CYP2C18: variants seen among roughly 807,000 people sequenced by gnomAD.
The protein encoded by CYP2C18 is cytochrome P450 2C18.
Under a neutral mutation model 41.3 loss-of-function variants are expected in CYP2C18, and 38 were observed. That is an observed-to-expected ratio of 0.92 (90% CI 0.71 to 1.21). The LOEUF is 1.21. Among genes scored for constraint, CYP2C18 ranks in the 50% most tolerant of loss-of-function variants. The pLI is 0.00. For synonymous variants in CYP2C18, 236 were observed against 210.0 expected (o/e 1.12, Z -1.07); for missense variants, 635 against 591.4 (o/e 1.07, Z -0.77).
chr10:94,735,622 C>A lies in CYP2C18; in HGVS notation c.*178C>A. The stretch of plus-strand genomic sequence containing the variant: ...CTCCATTAAAGAGAGTTTCTTGGGT[C>A]ACTTCCTAAATATATCTGCTATTCT... On this transcript the variant is annotated 3_prime_UTR_variant, in exon 9 of 9. Coordinates refer to ENST00000285979, the MANE Select transcript of CYP2C18 (RefSeq NM_000772.3). 1.6e-6 allele frequency: 1 copy of A among 638,014 alleles called. No individual in the cohort carries two copies. Among genetic ancestry groups the A allele is most frequent in the Non-Finnish European group, 2.7e-6 (1 of 368,070 alleles). 39.5% of individuals were successfully genotyped at this position (638,014 alleles called of 1,614,324 possible). A position where few individuals can be genotyped will look rare whatever the true frequency, so the allele number is the denominator to read the frequency against.
At chr10:94,699,896 A>G (rs1375174453) in intron 4 of CYP2C18, among the ~76,000 whole-genome samples, 1 of 152,182 alleles carries the variant, frequency 6.6e-6, no homozygotes, top group Non-Finnish European at 1.5e-5. Context: ...AAGAGAATAA[A>G]ACACCTAGGA....
chr10:94,694,814 A>G (rs966955222), intron 3 of CYP2C18, 103 bp from the exon 4 acceptor site: 5 of 1,236,060 alleles, frequency 4.0e-6, no homozygotes, highest in African/African-American at 3.1e-5. Flanking sequence ...ATTTCTAGGT[A>G]GGTATTGGTT....
At chr10:94,713,227 A>G (rs929862949) in intron 5 of CYP2C18, among the ~76,000 whole-genome samples, 27 of 151,948 alleles carry the variant, frequency 1.8e-4, no homozygotes, top group African/African-American at 6.0e-4. Flanking sequence ...ACATGTGCAC[A>G]ATGTGCAGGT....
At chr10:94,710,005 G>T (rs140056324) in intron 5 of CYP2C18, among the ~76,000 whole-genome samples, 5 of 151,882 alleles carry the variant, frequency 3.3e-5, no homozygotes, top group South Asian at 4.1e-4. Context: ...TTGAGACAGG[G>T]TCTCGCTCTG....
In CYP2C18 at chr10:94,706,979, G is replaced by T. The variant is rs752424055; in HGVS notation, c.819+19G>T. On this transcript the variant is annotated intron_variant, in intron 5 of 8. Transcript: ENST00000285979. Reference sequence around the variant, plus strand: ...GGAACAGGTAAAATGTTATTTGTTTGCCTGCATCTTGTGGTTCATTGATTA... The same window carrying T: ...GGAACAGGTAAAATGTTATTTGTTTTCCTGCATCTTGTGGTTCATTGATTA... The T allele has an allele frequency of 5.6e-6, 9 of 1,595,174 alleles. No homozygotes were observed. Among genetic ancestry groups the T allele is most frequent in the Non-Finnish European group, 7.7e-6 (9 of 1,173,086 alleles).
chr10:94,693,059 T>C (rs1284897681), intron 3 of CYP2C18, among the ~76,000 whole-genome samples: 1 of 152,098 alleles, frequency 6.6e-6, no homozygotes, highest in East Asian at 1.9e-4. Flanking sequence ...ATATATCTAA[T>C]GCTAAATGAC....
At position 94,700,905 on chromosome 10, in the gene CYP2C18, C is replaced by CA. The variant is rs547352024; in HGVS notation, c.642+5831dup. Among the ~76,000 whole-genome samples the CA allele has an allele frequency of 2.0e-5, 3 of 152,158 alleles. No individual in the cohort carries two copies. In the South Asian group the frequency reaches 6.2e-4, roughly 32 times the overall value. On this transcript the variant is annotated intron_variant, in intron 4 of 8. Coordinates refer to ENST00000285979, the MANE Select transcript of CYP2C18 (RefSeq NM_000772.3). Reference sequence around the variant, plus strand: ...CACTGGCCATCAGAGAAATGCAAATCAAACCACAATGAGATACCATCTCAC... The same window carrying CA: ...CACTGGCCATCAGAGAAATGCAAATCAAAACCACAATGAGATACCATCTCAC...
At chr10:94,710,844 G>T (rs1041110881) in intron 5 of CYP2C18, among the ~76,000 whole-genome samples, 1 of 152,176 alleles carries the variant, frequency 6.6e-6, no homozygotes, top group East Asian at 1.9e-4. Context: ...GTCACATGGA[G>T]ATTATAACAG....
chr10:94,708,988 A>G (rs2134192575), intron 5 of CYP2C18, among the ~76,000 whole-genome samples: 1 of 151,916 alleles, frequency 6.6e-6, no homozygotes, highest in South Asian at 2.1e-4. Context: ...GTTGGTTTTG[A>G]TTGTTTCTGT....
chr10:94,714,940 A>G (rs1847512937), intron 5 of CYP2C18, among the ~76,000 whole-genome samples: 1 of 152,086 alleles, frequency 6.6e-6, no homozygotes, highest in African/African-American at 2.4e-5. Flanking sequence ...CTTTGAAGCA[A>G]TTGTGAATGG....
intron 7 of CYP2C18, among the ~76,000 whole-genome samples, chr10:94,731,550 C>G (rs188932568): frequency 6.6e-6 from 1 of 152,222 alleles, no homozygotes; most frequent in Admixed American, 6.5e-5. Flanking sequence ...AGTCGTCACG[C>G]TACCAGACTT....
chr10:94,710,540 T>A (rs928288896), intron 5 of CYP2C18, among the ~76,000 whole-genome samples: 7 of 152,220 alleles, frequency 4.6e-5, no homozygotes, highest in African/African-American at 1.7e-4. Flanking sequence ...TATTTAGATC[T>A]TCTTTAATTT....
chr10:94,710,033 G>A (rs1483888613), intron 5 of CYP2C18, among the ~76,000 whole-genome samples: 2 of 151,966 alleles, frequency 1.3e-5, no homozygotes, highest in Non-Finnish European at 2.9e-5. Context: ...AGGCTATAGT[G>A]CAATGGTGTG....
intron 5 of CYP2C18, among the ~76,000 whole-genome samples, chr10:94,712,634 A>G (rs140537977): frequency 6.6e-6 from 1 of 152,346 alleles, no homozygotes; most frequent in Non-Finnish European, 1.5e-5. Context: ...TATTGGGAAT[A>G]GTGCTGCAAT....
chr10:94,706,731 C>A (rs1847349295), intron 4 of CYP2C18, 53 bp from the exon 5 acceptor site: 2 of 990,166 alleles, frequency 2.0e-6, no homozygotes, highest in African/African-American at 1.7e-5. Context: ...TGACTTATGG[C>A]ATATGTCTTC....
intron 4 of CYP2C18, among the ~76,000 whole-genome samples, chr10:94,704,431 A>G (rs952767245): frequency 6.6e-6 from 1 of 151,436 alleles, no homozygotes; most frequent in African/African-American, 2.4e-5. Context: ...GCGTATGTTC[A>G]GCTAATTTTG....
At chr10:94,726,453 A>G (rs1847744167) in intron 7 of CYP2C18, among the ~76,000 whole-genome samples, 1 of 151,840 alleles carries the variant, frequency 6.6e-6, no homozygotes, top group African/African-American at 2.4e-5. Context: ...TGGTTTTCTG[A>G]TCTTGTGATA....
intron 5 of CYP2C18, among the ~76,000 whole-genome samples, chr10:94,716,475 C>T (rs1847545311): frequency 6.6e-6 from 1 of 152,168 alleles, no homozygotes; most frequent in Non-Finnish European, 1.5e-5. Flanking sequence ...GTTCAGTTTG[C>T]ATGTAATTGA....
At chr10:94,709,985 CT>C (rs907127044) in intron 5 of CYP2C18, among the ~76,000 whole-genome samples, 56 of 147,150 alleles carry the variant, frequency 3.8e-4, no homozygotes, top group Admixed American at 5.4e-4. Flanking sequence ...TATGACAGTA[CT>C]TTTTTTTTTT....
Sources: allele counts gnomAD v4.1 joint callset (sites outside exome capture counted in the v4.1 genomes callset), GRCh38; gene constraint gnomAD v4.1.1; transcripts MANE v1.5; gene names NCBI Gene and HGNC (gene_info 2026-07-23, HGNC 2026-07-21).